The following RNF144A variants were observed in gnomAD, a reference collection of about 807,000 sequenced individuals.
The protein encoded by RNF144A is ring finger protein 144A.
RNF144A carries 11 observed loss-of-function variants against 38.7 expected under a neutral mutation model. The observed-to-expected ratio is 0.28, with a 90% CI of 0.18 to 0.47. The LOEUF is 0.47. Ranked by LOEUF, RNF144A falls within the 20% of genes least tolerant of loss-of-function variation. RNF144A has a pLI of 0.99. For synonymous variants in RNF144A, 149 were observed against 143.9 expected, an observed-to-expected ratio of 1.04 and a Z score of -0.25; for missense variants, 316 against 377.2, an observed-to-expected ratio of 0.84 and a Z score of 1.34.
In RNF144A at chr2:7,040,889, C is replaced by T. The variant is rs1572466732; in HGVS notation, c.*1129C>T. On this transcript the variant is annotated 3_prime_UTR_variant, in exon 9 of 9. Transcript: ENST00000320892. ...TTTTGCTCTTGTTGGGGAAAAGAACCTCCCATTTCACTTCGTTTTAACGTG... is the reference window on the plus strand; with the variant it reads ...TTTTGCTCTTGTTGGGGAAAAGAACTTCCCATTTCACTTCGTTTTAACGTG... The T allele has an allele frequency of 3.0e-6, 3 of 985,440 alleles. No homozygotes were observed. Among genetic ancestry groups the T allele is most frequent in the Non-Finnish European group, 3.6e-6 (3 of 829,938 alleles). The allele number at this position is 985,440 out of a possible 1,614,324, so 61.0% of individuals were successfully genotyped here.
At chr2:7,055,942 C>T (rs762444665) in intron 6 of RNF144A, among the ~76,000 whole-genome samples, 36 of 152,258 alleles carry the variant, frequency 2.4e-4, no homozygotes, top group Non-Finnish European at 4.9e-4. Context: ...CGAGCATGCA[C>T]ACTCTGTAAC....
intron 2 of RNF144A, among the ~76,000 whole-genome samples, chr2:6,954,776 C>T (rs558659513): frequency 2.0e-5 from 3 of 152,282 alleles, no homozygotes; most frequent in South Asian, 2.1e-4. Flanking sequence ...TGAGATCTTA[C>T]GTGCGTGTAA....
At chr2:7,026,980 C>T in intron 7 of RNF144A, among the ~76,000 whole-genome samples, 1 of 152,328 alleles carries the variant, frequency 6.6e-6, no homozygotes, top group African/African-American at 2.4e-5. Context: ...GAGAGGGAGT[C>T]TACTGTTGGA....
intron 2 of RNF144A, among the ~76,000 whole-genome samples, chr2:6,971,020 TCTTA>T (rs1249183125): frequency 3.3e-5 from 5 of 152,240 alleles, no homozygotes; most frequent in African/African-American, 4.8e-5. Context: ...GACACATTTT[TCTTA>T]CTTGTTTTTC....
intron 2 of RNF144A, among the ~76,000 whole-genome samples, chr2:6,948,993 A>T (rs3772021): frequency 0.1 from 15,480 of 152,274 alleles, 1,071 homozygotes; most frequent in East Asian, 0.25. Context: ...GAGAGGCACC[A>T]GTGGGCTCTG....
At chr2:6,984,641 T>C (rs1197129972) in intron 2 of RNF144A, among the ~76,000 whole-genome samples, 3 of 152,250 alleles carry the variant, frequency 2.0e-5, no homozygotes, top group African/African-American at 7.2e-5. Context: ...CTCTGCCTTT[T>C]GTTGTAGCAT....
Position 7,040,966 on chromosome 2 carries a change from C to A in RNF144A, c.*1206C>A. ...GGGCTGTCTGTGACCATTTCCATGGCAGCAGGATGCAGGGATTAATAAGGA... is the reference window on the plus strand; with the variant it reads ...GGGCTGTCTGTGACCATTTCCATGGAAGCAGGATGCAGGGATTAATAAGGA... On this transcript the variant is annotated 3_prime_UTR_variant, in exon 9 of 9. Coordinates refer to ENST00000320892, the MANE Select transcript of RNF144A (RefSeq NM_014746.6). 6 of 985,376 alleles carry A rather than the reference C, an allele frequency of 6.1e-6. No homozygotes were observed. Among genetic ancestry groups the A allele is most frequent in the Non-Finnish European group, 7.2e-6 (6 of 829,872 alleles). 61.0% of individuals were successfully genotyped at this position (985,376 alleles called of 1,614,324 possible). A position where few individuals can be genotyped will look rare whatever the true frequency, so the allele number is the denominator to read the frequency against.
chr2:7,071,687 G>C (rs1329937100), downstream of RNF144A, among the ~76,000 whole-genome samples: 1 of 152,226 alleles, frequency 6.6e-6, no homozygotes, highest in Non-Finnish European at 1.5e-5. Flanking sequence ...TTGGGATGCT[G>C]AATGGATTCC....
chr2:6,930,751 C>T (rs1206192354), intron 1 of RNF144A, among the ~76,000 whole-genome samples: 2 of 151,962 alleles, frequency 1.3e-5, no homozygotes, highest in African/African-American at 2.4e-5. Flanking sequence ...GCCACCACAC[C>T]CAGCAAATTT....
At position 6,998,218 on chromosome 2, in the gene RNF144A, A is replaced by G. The variant is rs1332634904; in HGVS notation, c.135+1157A>G. ...TGAATTTAACTGCTGTTGTATGTGG[A>G]TGGTGTAGACGGCTTCCCTGTGGGT... is the stretch of plus-strand genomic sequence containing the variant. On this transcript the variant is annotated intron_variant, in intron 3 of 8. Transcript: ENST00000320892. Among the ~76,000 whole-genome samples, 4 of 151,192 alleles carry G rather than the reference A, an allele frequency of 2.6e-5. No individual in the cohort carries two copies. The East Asian group carries it at 7.8e-4, about 29-fold the overall frequency.
At chr2:6,921,662 A>G (rs1393659086) in intron 1 of RNF144A, among the ~76,000 whole-genome samples, 1 of 152,206 alleles carries the variant, frequency 6.6e-6, no homozygotes, top group East Asian at 1.9e-4. Context: ...AAGCTCAAAC[A>G]TTAACAGATT....
At chr2:7,034,239 T>G (rs1672515050) in intron 8 of RNF144A, among the ~76,000 whole-genome samples, 1 of 150,800 alleles carries the variant, frequency 6.6e-6, no homozygotes, top group South Asian at 2.1e-4. Flanking sequence ...GCCACTGCAC[T>G]CCAGCCTGGG....
chr2:6,996,240 A>T (rs1275058979), intron 2 of RNF144A, among the ~76,000 whole-genome samples: 1 of 152,192 alleles, frequency 6.6e-6, no homozygotes, highest in Admixed American at 6.5e-5. Flanking sequence ...CATATTCGCC[A>T]CGTCTTTAAC....
rs138626099 is a variant in RNF144A, at chr2:6,944,195, C to T, written c.-12+3048C>T. The stretch of plus-strand genomic sequence containing the variant: ...AGCCATTGGAGATGCGGGAGGAGGC[C>T]GGGCACTATGGGCCTGGGGTGATGG... On this transcript the variant is annotated intron_variant, in intron 2 of 8. Coordinates refer to ENST00000320892, the MANE Select transcript of RNF144A (RefSeq NM_014746.6). This position sits in a 1 kb window ranked among gnomAD's most constrained non-coding sequence, Gnocchi z 4.7. Among the ~76,000 whole-genome samples, 154 of 152,096 alleles carry T rather than the reference C, an allele frequency of 1.0e-3. No homozygotes were observed. Among genetic ancestry groups the T allele is most frequent in the African/African-American group, 3.4e-3 (143 of 41,472 alleles).
intron 2 of RNF144A, among the ~76,000 whole-genome samples, chr2:6,969,674 G>A (rs1183887443): frequency 6.6e-6 from 1 of 152,228 alleles, no homozygotes; most frequent in East Asian, 1.9e-4. Context: ...AATGCCACAG[G>A]TGAAAACATT....
intron 1 of RNF144A, among the ~76,000 whole-genome samples, chr2:6,922,444 C>T (rs554432597): frequency 1.3e-5 from 2 of 152,236 alleles, no homozygotes; most frequent in South Asian, 4.1e-4. Context: ...CATTGTGTTC[C>T]TGGGAATACT....
At position 7,061,696 on chromosome 2, in the gene RNF144A, A is replaced by G. The variant is rs555186588; in HGVS notation, c.735-6520A>G. Among the ~76,000 whole-genome samples, 100 of 152,316 alleles carry G rather than the reference A, an allele frequency of 6.6e-4. 1 individual carries two copies. The highest frequency in any genetic ancestry group is 2.1e-3 in the African/African-American group (87 of 41,568). On this transcript the variant is annotated intron_variant, in intron 6 of 6. Transcript: ENST00000432850. ...AGGCTGAATGCTGAGGCCTAGAACT[A>G]CATCTTACATTTACTTTGGTAACGA...
At chr2:6,937,227 T>A (rs916260995) in intron 1 of RNF144A, among the ~76,000 whole-genome samples, 5 of 152,156 alleles carry the variant, frequency 3.3e-5, no homozygotes, top group Admixed American at 6.5e-5. Context: ...AAAATATGGA[T>A]GACAAACAAC....
Position 7,039,773 on chromosome 2 carries a change from G to A in RNF144A, c.*13G>A. ...GTTACCCACCTAGAGGAAGCGCGATGCTGGAACACATCCCTGCCTCCGGGA... is the reference window on the plus strand; with the variant it reads ...GTTACCCACCTAGAGGAAGCGCGATACTGGAACACATCCCTGCCTCCGGGA... On this transcript the variant is annotated 3_prime_UTR_variant, in exon 9 of 9. Transcript: ENST00000320892. 1 of 1,611,978 alleles carries A rather than the reference G, an allele frequency of 6.2e-7. No homozygotes were observed. The highest frequency in any genetic ancestry group is 8.5e-7 in the Non-Finnish European group (1 of 1,179,438).
Sources: allele counts gnomAD v4.1 joint callset (sites outside exome capture counted in the v4.1 genomes callset), GRCh38; gene constraint gnomAD v4.1.1; non-coding constraint Gnocchi (gnomAD v3.1); transcripts MANE v1.5; gene names NCBI Gene and HGNC (gene_info 2026-07-23, HGNC 2026-07-21).